Variants in CBLB observed in about 807,000 individuals in gnomAD.
The protein encoded by CBLB is Cbl proto-oncogene B.
Under a neutral mutation model 104.9 loss-of-function variants are expected in CBLB, and 31 were observed. The ratio of observed to expected loss-of-function variants is 0.30; its 90% CI spans 0.22 to 0.40. The LOEUF (loss-of-function observed/expected upper bound fraction) is 0.40. Ranked by LOEUF, CBLB falls within the 10% of genes least tolerant of loss-of-function variation. CBLB has a pLI of 1.00. For missense variants in CBLB, 1,062 were observed against 1,214.6 expected (o/e 0.87, Z 1.87); for synonymous variants, 440 against 422.6 (o/e 1.04, Z -0.51).
rs2069288232 is a variant in CBLB, at chr3:105,702,415, T to A, written c.1638A>T (p.Ala546=). The change falls in exon 12 of 19, where the codon GCA becomes GCT. Residue 546 remains alanine (A), a synonymous_variant. Coordinates refer to ENST00000394030, the MANE Select transcript of CBLB (RefSeq NM_170662.5). ...MVRKQDKPLP[A]PPPPLRDPPP... ...GAGGATCTCTTAAGGGAGGAGGTGGTGCTGGGAGTGGTTTATCTTGTTTTC... is the reference window on the plus strand; with the variant it reads ...GAGGATCTCTTAAGGGAGGAGGTGGAGCTGGGAGTGGTTTATCTTGTTTTC... The A allele has an allele frequency of 1.3e-6, 2 of 1,510,116 alleles. No individual in the cohort carries two copies. The highest frequency in any genetic ancestry group is 1.8e-6 in the Non-Finnish European group (2 of 1,119,232). The allele number at this position is 1,510,116 out of a possible 1,614,324, so 93.5% of individuals were successfully genotyped here.
chr3:105,658,805 G>A lies in CBLB; in HGVS notation c.*165C>T. ...AGGAAGCCACAGCTGTCGACATCCT[G>A]AGCAAGCATCGGTCTCCTTTGAGAA... On this transcript the variant is annotated 3_prime_UTR_variant, in exon 19 of 19. Coordinates refer to ENST00000394030, the MANE Select transcript of CBLB (RefSeq NM_170662.5). The A allele has an allele frequency of 1.4e-6, 1 of 707,596 alleles. No individual in the cohort carries two copies. The highest frequency in any genetic ancestry group is 2.4e-6 in the Non-Finnish European group (1 of 419,412). The allele number at this position is 707,596 out of a possible 1,614,324, so 43.8% of individuals were successfully genotyped here. A position where few individuals can be genotyped will look rare whatever the true frequency, so the allele number is the denominator to read the frequency against.
chr3:105,720,260 T>G lies in CBLB; in HGVS notation c.1204-10A>C, dbSNP rs1238300589. The G allele has an allele frequency of 1.9e-6, 3 of 1,605,270 alleles. No homozygotes were observed. The highest frequency in any genetic ancestry group is 2.6e-6 in the Non-Finnish European group (3 of 1,174,240). On this transcript the variant is annotated splice_polypyrimidine_tract_variant and intron_variant, in intron 9 of 18. Transcript: ENST00000394030. ...CCTGACCATCCGACTCCTAAACAAA[T>G]AGAAAATGCATGGATTGGTTTTGTT...
At chr3:105,854,304 C>T in intron 2 of CBLB, among the ~76,000 whole-genome samples, 1 of 152,206 alleles carries the variant, frequency 6.6e-6, no homozygotes, top group East Asian at 1.9e-4. Context: ...CGTTCAGGGG[C>T]TGCCTGCAGA....
intron 8 of CBLB, among the ~76,000 whole-genome samples, chr3:105,734,725 G>A (rs1374694433): frequency 6.6e-6 from 1 of 152,084 alleles, no homozygotes; most frequent in Admixed American, 6.6e-5. Context: ...TTAGGCCTGG[G>A]GCTTAATCAG....
intron 3 of CBLB, among the ~76,000 whole-genome samples, chr3:105,786,063 G>GGGGT (rs912651777): frequency 1.5e-5 from 2 of 133,944 alleles, no homozygotes; most frequent in Non-Finnish European, 3.2e-5. Flanking sequence ...GAGAGGATCG[G>GGGGT]GGGGGGGAAA....
chr3:105,668,175 T>C (rs2064681835), intron 18 of CBLB, among the ~76,000 whole-genome samples: 1 of 152,200 alleles, frequency 6.6e-6, no homozygotes, highest in Non-Finnish European at 1.5e-5. Flanking sequence ...TCAGGAGTCT[T>C]TTATTACTTA....
upstream of CBLB, chr3:105,869,047 C>A (rs1186438240): frequency 1.8e-5 from 5 of 282,756 alleles, no homozygotes; most frequent in South Asian, 5.5e-5. Context: ...GACCCAGGCT[C>A]GGGGCGGGGC....
rs143909235 is a variant in CBLB, at chr3:105,810,074, C to T, written c.420-33532G>A. The stretch of plus-strand genomic sequence containing the variant: ...AAGATGAAATATAAACTAACACTTC[C>T]ACCAAAGACAGAACGTGTACACCCT... On this transcript the variant is annotated intron_variant, in intron 3 of 18. Transcript: ENST00000394030. 9.6e-4 allele frequency among the ~76,000 whole-genome samples: 146 copies of T among 152,214 alleles called. 1 individual carries two copies. The highest frequency in any genetic ancestry group is 2.8e-3 in the Admixed American group (43 of 15,290).
Position 105,735,901 on chromosome 3 carries a change from G to A in CBLB, c.1071+1270C>T, listed in dbSNP as rs147819270. 1.2e-3 allele frequency among the ~76,000 whole-genome samples: 189 copies of A among 152,184 alleles called. 2 individuals are homozygous for A. The East Asian group carries it at 0.032, about 25-fold the overall frequency. ...GCAGAGGTTGTAGTGAGCCGAGATC[G>A]CGTCACTGCACTCCAGCCTGGGCGA... On this transcript the variant is annotated intron_variant, in intron 8 of 18. Coordinates refer to ENST00000394030, the MANE Select transcript of CBLB (RefSeq NM_170662.5).
Position 105,658,901 on chromosome 3 carries a change from G to A in CBLB, c.*69C>T. ...CACTTCTCTCTTGAATTCCATCTCA[G>A]TTCTCTTTATTTCCACACTCTTGGA... On this transcript the variant is annotated 3_prime_UTR_variant, in exon 19 of 19. Transcript: ENST00000394030. 1 of 1,539,480 alleles carries A rather than the reference G, an allele frequency of 6.5e-7. No homozygotes were observed.
chr3:105,784,042 C>T (rs976962), intron 3 of CBLB, among the ~76,000 whole-genome samples: 150,254 of 152,336 alleles, frequency 0.99, 74,136 homozygotes, highest in Non-Finnish European at 1. Flanking sequence ...GGTTTTAATC[C>T]GGAAAATCTA....
chr3:105,857,402 A>G, intron 2 of CBLB, among the ~76,000 whole-genome samples: 1 of 151,064 alleles, frequency 6.6e-6, no homozygotes. Context: ...AAAGAGATGC[A>G]AAGAGTCTGG....
At chr3:105,749,221 T>C (rs1412200142) in intron 5 of CBLB, among the ~76,000 whole-genome samples, 8 of 152,166 alleles carry the variant, frequency 5.3e-5, no homozygotes, top group Non-Finnish European at 1.2e-4. Flanking sequence ...TAGAAATAAA[T>C]GGAATGATGA....
At position 105,721,474 on chromosome 3, in the gene CBLB, CCAAA is replaced by C. The variant is rs570815370; in HGVS notation, c.1204-1228_1204-1225del. On this transcript the variant is annotated intron_variant, in intron 9 of 18. Coordinates refer to ENST00000394030, the MANE Select transcript of CBLB (RefSeq NM_170662.5). The stretch of plus-strand genomic sequence containing the variant: ...CTCAACAAATTGAACACCTCCTTTG[CCAAA>C]CAAAGTGTCAAAAAACAAAAAACAC... Among the ~76,000 whole-genome samples, 9 of 152,158 alleles carry C rather than the reference CCAAA, an allele frequency of 5.9e-5. No homozygotes were observed. In the South Asian group the frequency reaches 1.7e-3, roughly 28 times the overall value.
intron 3 of CBLB, among the ~76,000 whole-genome samples, chr3:105,796,452 T>G (rs560000227): frequency 7.2e-5 from 11 of 152,266 alleles, no homozygotes; most frequent in Admixed American, 3.3e-4. Flanking sequence ...TCATGAGGAT[T>G]AAAGACTTAA....
At chr3:105,678,334 G>C in intron 17 of CBLB, 97 bp downstream of exon 17, 1 of 1,203,680 alleles carries the variant, frequency 8.3e-7, no homozygotes, top group Non-Finnish European at 1.2e-6. Context: ...CTGCTAGGGA[G>C]GTAGAGACTA....
chr3:105,670,175 A>G, intron 18 of CBLB, 58 bp downstream of exon 18: 9 of 1,491,540 alleles, frequency 6.0e-6, no homozygotes, highest in Non-Finnish European at 8.4e-6. Flanking sequence ...GTGTTCTGAA[A>G]AGCAAAAAGC....
At position 105,757,477 on chromosome 3, in the gene CBLB, C is replaced by T. The variant is rs150080213; in HGVS notation, c.567-5859G>A. On this transcript the variant is annotated intron_variant, in intron 4 of 18. Transcript: ENST00000394030. ...TGACGCGCTGAGAGAGGGCGTCTTC[C>T]AAGATGCAGGCAGCAAGGTATTACT... 2.2e-4 allele frequency among the ~76,000 whole-genome samples: 34 copies of T among 152,216 alleles called. No individual in the cohort carries two copies. The East Asian group carries it at 5.4e-3, about 24-fold the overall frequency.
At chr3:105,680,236 C>G (rs914217385) in intron 16 of CBLB, among the ~76,000 whole-genome samples, 1 of 152,002 alleles carries the variant, frequency 6.6e-6, no homozygotes, top group Non-Finnish European at 1.5e-5. Flanking sequence ...AGGACAGGAT[C>G]GTCTAAGTAG....
Sources: gnomAD v4.1 joint callset for allele counts (sites outside exome capture counted in the v4.1 genomes callset) on GRCh38, gnomAD v4.1.1 for gene constraint, MANE v1.5 for transcripts, NCBI Gene and HGNC (gene_info 2026-07-23, HGNC 2026-07-21) for gene names.